Variants in ZMYND19 observed in about 807,000 individuals in gnomAD.
ZMYND19 encodes zinc finger MYND-type containing 19.
ZMYND19 carries 17 observed loss-of-function variants against 32.0 expected under a neutral mutation model. The observed-to-expected ratio is 0.53, with a 90% confidence interval of 0.36 to 0.80. The LOEUF is 0.80. ZMYND19 is among the 30% of genes least tolerant of loss of function. The probability of loss-of-function intolerance (pLI) is 0.00; values close to 1 mark genes in which losing one functional copy is unlikely to be tolerated. For synonymous variants in ZMYND19, 124 were observed against 113.6 expected (o/e 1.09, Z -0.58); for missense variants, 250 against 293.6 (o/e 0.85, Z 1.09).
At chr9:137,587,354 A>C in intron 3 of ZMYND19, 1 of 646,688 alleles carries the variant, frequency 1.5e-6, no homozygotes. Flanking sequence ...CAGAGCACAG[A>C]CAGCCAAAGC....
intron 4 of ZMYND19, among the ~76,000 whole-genome samples, chr9:137,583,676 G>A (rs148122583): frequency 2.0e-3 from 260 of 132,584 alleles, no homozygotes; most frequent in Admixed American, 5.3e-3. Context: ...CCCCAGCCCT[G>A]CTGCATCACG....
At position 137,590,065 on chromosome 9, in the gene ZMYND19, C is replaced by A. The variant is rs2353078; in HGVS notation, c.51+148G>T. 1.0e-6 allele frequency: 1 copy of A among 984,134 alleles called. No homozygotes were observed. The highest frequency in any genetic ancestry group is 1.2e-6 in the Non-Finnish European group (1 of 829,820). 61.0% of individuals were successfully genotyped at this position (984,134 alleles called of 1,614,324 possible). On this transcript the variant is annotated intron_variant, in intron 1 of 5. Coordinates refer to ENST00000298585, the MANE Select transcript of ZMYND19 (RefSeq NM_138462.3). This position sits in a 1 kb window ranked among gnomAD's most constrained non-coding sequence, Gnocchi z 4.2. Reference sequence around the variant, plus strand: ...AGCTGCACCCGCGCGGGGCCAGCAGCCGGGCCCGCGCAGCGTCCCCCGCCC... The same window carrying A: ...AGCTGCACCCGCGCGGGGCCAGCAGACGGGCCCGCGCAGCGTCCCCCGCCC...
At chr9:137,586,000 C>G (rs1842200022) in intron 4 of ZMYND19, among the ~76,000 whole-genome samples, 1 of 152,240 alleles carries the variant, frequency 6.6e-6, no homozygotes, top group Non-Finnish European at 1.5e-5. Flanking sequence ...CTCAACTGGG[C>G]TCCCAACCCC....
rs1339852343 is a variant in ZMYND19, at chr9:137,590,092, G to A, written c.51+121C>T. 1 of 982,888 alleles carries A rather than the reference G, an allele frequency of 1.0e-6. No individual in the cohort carries two copies. Among genetic ancestry groups the A allele is most frequent in the African/African-American group, 1.8e-5 (1 of 56,884 alleles). The allele number at this position is 982,888 out of a possible 1,614,324, so 60.9% of individuals were successfully genotyped here. On this transcript the variant is annotated intron_variant, in intron 1 of 5. Transcript: ENST00000298585. The surrounding 1 kb of genome is among the most constrained non-coding windows in gnomAD (Gnocchi z 4.2). ...GGGCCCGCGCAGCGTCCCCCGCCCCGCTGGGGCCCATCCCGGGCTCCGCGC... is the reference window on the plus strand; with the variant it reads ...GGGCCCGCGCAGCGTCCCCCGCCCCACTGGGGCCCATCCCGGGCTCCGCGC...
At chr9:137,589,773 C>G in intron 1 of ZMYND19, 6 of 985,500 alleles carry the variant, frequency 6.1e-6, no homozygotes, top group Non-Finnish European at 7.2e-6. Context: ...AGACCCGCCT[C>G]GGCGAGAGGT....
rs374406487 is a variant in ZMYND19, at chr9:137,587,100, G to T, written c.226C>A (p.His76Asn). 6 of 1,604,988 alleles carry T rather than the reference G, an allele frequency of 3.7e-6. No individual in the cohort carries two copies. The highest frequency in any genetic ancestry group is 4.2e-6 in the Non-Finnish European group (5 of 1,179,952). Residue 76 changes from histidine (H) to asparagine (N), a missense_variant, in exon 4 of 6, where the codon CAC (histidine) becomes AAC (asparagine). Physicochemically the swap from His to Asn is moderately conservative, Grantham distance 68. Transcript: ENST00000298585. ...RLLHELLWER[H>N]RGGVAPGFQV... The stretch of plus-strand genomic sequence containing the variant: ...AAGCCCGGGGCCACGCCCCCCCGGT[G>T]CCGCTCCCTAGAAACAGACAGCAAA...
chr9:137,590,303 G>C lies in ZMYND19; in HGVS notation c.-40C>G. ...TCTCGGCCGGCAGCGCCGCTCCCTC[G>C]GGAGGCGCCGAGCGGGGGCCGGGGC... On this transcript the variant is annotated 5_prime_UTR_variant, in exon 1 of 6. Transcript: ENST00000298585. The surrounding 1 kb of genome is among the most constrained non-coding windows in gnomAD (Gnocchi z 4.2). 1.9e-6 allele frequency: 2 copies of C among 1,034,430 alleles called. No homozygotes were observed. The highest frequency in any genetic ancestry group is 3.8e-5 in the South Asian group (1 of 26,350). The allele number at this position is 1,034,430 out of a possible 1,614,324, so 64.1% of individuals were successfully genotyped here.
chr9:137,584,631 T>G (rs150575905), intron 4 of ZMYND19, among the ~76,000 whole-genome samples: 8 of 152,320 alleles, frequency 5.3e-5, no homozygotes, highest in African/African-American at 1.9e-4. Flanking sequence ...ACTGAGCATG[T>G]ATCAATGTGG....
chr9:137,588,904 C>G, intron 1 of ZMYND19, 186 bp from the exon 2 acceptor site: 2 of 617,138 alleles, frequency 3.2e-6, no homozygotes. Context: ...GTGGTGCAGT[C>G]TACGACAAAA....
intron 3 of ZMYND19, 72 bp from the exon 4 acceptor site, chr9:137,587,179 A>G: frequency 6.4e-7 from 1 of 1,560,886 alleles, no homozygotes; most frequent in South Asian, 1.2e-5. Flanking sequence ...ATTTCTGGTC[A>G]GGTACCAAAG....
chr9:137,582,590 G>C lies in ZMYND19; in HGVS notation c.637C>G (p.Arg213Gly). The C allele has an allele frequency of 1.2e-6, 2 of 1,613,500 alleles. No individual in the cohort carries two copies. The highest frequency in any genetic ancestry group is 1.7e-6 in the Non-Finnish European group (2 of 1,180,026). Residue 213 changes from arginine (R) to glycine (G), a missense_variant, in exon 6 of 6, where the codon CGG becomes GGG. Physicochemically the swap from Arg to Gly is moderately radical, Grantham distance 125. Coordinates refer to ENST00000298585, the MANE Select transcript of ZMYND19 (RefSeq NM_138462.3). ...TGCTGGAAGGGACGCTTCCTCTCCC[G>C]ACAGTGCTTCTTGTGGGCAGGCCAG... Reference protein sequence around the residue: ...KDWPAHKKHCRERKRPFQHEL... With the variant: ...KDWPAHKKHCGERKRPFQHEL...
In ZMYND19 at chr9:137,590,301, T is replaced by C; in HGVS notation, c.-38A>G. The C allele has an allele frequency of 9.7e-7, 1 of 1,036,262 alleles. No individual in the cohort carries two copies. Among genetic ancestry groups the C allele is most frequent in the Non-Finnish European group, 1.2e-6 (1 of 863,532 alleles). The allele number at this position is 1,036,262 out of a possible 1,614,324, so 64.2% of individuals were successfully genotyped here. A position where few individuals can be genotyped will look rare whatever the true frequency, so the allele number is the denominator to read the frequency against. On this transcript the variant is annotated 5_prime_UTR_variant, in exon 1 of 6. Transcript: ENST00000298585. The surrounding 1 kb of genome is among the most constrained non-coding windows in gnomAD (Gnocchi z 4.2). ...GCTCTCGGCCGGCAGCGCCGCTCCC[T>C]CGGGAGGCGCCGAGCGGGGGCCGGG...
intron 1 of ZMYND19, chr9:137,589,414 C>G (rs1842243684): frequency 1.0e-6 from 1 of 985,340 alleles, no homozygotes; most frequent in African/African-American, 1.7e-5. Flanking sequence ...CTGACGCCGC[C>G]TGACACTGCC....
At chr9:137,585,435 A>G (rs1437341906) in intron 4 of ZMYND19, among the ~76,000 whole-genome samples, 1 of 145,372 alleles carries the variant, frequency 6.9e-6, no homozygotes, top group Non-Finnish European at 1.5e-5. Flanking sequence ...AAAAAAAAAA[A>G]TGCTGAGGCA....
At chr9:137,586,900 G>A in intron 4 of ZMYND19, 67 bp downstream of exon 4, 1 of 1,597,252 alleles carries the variant, frequency 6.3e-7, no homozygotes, top group Non-Finnish European at 8.5e-7. Context: ...TTGGAAACAA[G>A]AGCTTTGGCG....
At position 137,582,503 on chromosome 9, in the gene ZMYND19, A is replaced by G; in HGVS notation, c.*40T>C. The G allele has an allele frequency of 6.3e-7, 1 of 1,599,408 alleles. No individual in the cohort carries two copies. ...AGTCTGTCTCTGCTGTGCCCAGGGTAGAGCCCGGGGGCTGTGAGTATGTGT... is the reference window on the plus strand; with the variant it reads ...AGTCTGTCTCTGCTGTGCCCAGGGTGGAGCCCGGGGGCTGTGAGTATGTGT... On this transcript the variant is annotated 3_prime_UTR_variant, in exon 6 of 6. Transcript: ENST00000298585.
rs573874002 is a variant in ZMYND19, at chr9:137,588,331, G to C, written c.111+328C>G. On this transcript the variant is annotated intron_variant, in intron 2 of 5. Coordinates refer to ENST00000298585, the MANE Select transcript of ZMYND19 (RefSeq NM_138462.3). Reference sequence around the variant, plus strand: ...GCTAGCTCTAAAGAGCAGGGTCTTCGAGCTAACAGACATGGTCCACGTGAC... The same window carrying C: ...GCTAGCTCTAAAGAGCAGGGTCTTCCAGCTAACAGACATGGTCCACGTGAC... Among the ~76,000 whole-genome samples, 21 of 152,356 alleles carry C rather than the reference G, an allele frequency of 1.4e-4. No individual in the cohort carries two copies. In the East Asian group the frequency reaches 3.7e-3, roughly 27 times the overall value.
In ZMYND19 at chr9:137,586,994, T is replaced by A; in HGVS notation, c.332A>T (p.Lys111Met). The A allele has an allele frequency of 6.2e-7, 1 of 1,612,474 alleles. No individual in the cohort carries two copies. Among genetic ancestry groups the A allele is most frequent in the Non-Finnish European group, 8.5e-7 (1 of 1,180,016 alleles). The change falls in exon 4 of 6, where the codon AAG becomes ATG. Residue 111 changes from lysine to methionine, a missense_variant. Lys to Met is a moderately conservative substitution (Grantham distance 95). Coordinates refer to ENST00000298585, the MANE Select transcript of ZMYND19 (RefSeq NM_138462.3). ...LQLVPWGWRP[K>M]AEETSSKQRE... is the part of the protein sequence containing the mutation. Reference sequence around the variant, plus strand: ...CTGCTTGCTGGAGGTCTCTTCAGCCTTGGGCCGCCAGCCCCACGGCACCAG... The same window carrying A: ...CTGCTTGCTGGAGGTCTCTTCAGCCATGGGCCGCCAGCCCCACGGCACCAG...
At chr9:137,585,414 C>CAAA (rs143309893) in intron 4 of ZMYND19, among the ~76,000 whole-genome samples, 2 of 84,648 alleles carry the variant, frequency 2.4e-5, no homozygotes, top group African/African-American at 4.0e-5. Context: ...GACTCCGTCT[C>CAAA]AAAAAAAAAA....
Sources: allele counts gnomAD v4.1 joint callset (sites outside exome capture counted in the v4.1 genomes callset), GRCh38; gene constraint gnomAD v4.1.1; non-coding constraint Gnocchi (gnomAD v3.1); transcripts MANE v1.5; gene names NCBI Gene and HGNC (gene_info 2026-07-23, HGNC 2026-07-21).